LRMDA: variants seen among roughly 807,000 people sequenced by gnomAD.
The protein encoded by LRMDA is leucine-rich melanocyte differentiation-associated protein.
A neutral mutation model predicts 29.8 loss-of-function variants in LRMDA; 18 were observed. That is an observed-to-expected ratio of 0.60 (90% CI 0.42 to 0.90). LRMDA has a LOEUF of 0.90. LRMDA is among the 40% of genes least tolerant of loss of function. The pLI is 0.00. For missense variants in LRMDA, 273 were observed against 273.9 expected (o/e 1.00, Z 0.02); for synonymous variants, 125 against 109.4 (o/e 1.14, Z -0.89).
At chr10:75,891,732 G>T (rs1038942137) in intron 2 of LRMDA, among the ~76,000 whole-genome samples, 3 of 152,182 alleles carry the variant, frequency 2.0e-5, no homozygotes, top group Non-Finnish European at 4.4e-5. Context: ...TCACATTCTG[G>T]ATGTTTTAGA....
chr10:75,465,545 T>C (rs1256524763), intron 2 of LRMDA, among the ~76,000 whole-genome samples: 1 of 152,212 alleles, frequency 6.6e-6, no homozygotes, highest in Non-Finnish European at 1.5e-5. Context: ...AAAAATTTAT[T>C]GGGTAGTATT....
chr10:76,365,178 C>T (rs909793774), intron 6 of LRMDA, among the ~76,000 whole-genome samples: 2 of 149,926 alleles, frequency 1.3e-5, no homozygotes, highest in Non-Finnish European at 3.0e-5. Context: ...GTTGGTTCCA[C>T]AATTTTGAAA....
intron 5 of LRMDA, among the ~76,000 whole-genome samples, chr10:76,224,857 T>C (rs960784318): frequency 6.6e-6 from 1 of 151,982 alleles, no homozygotes; most frequent in Non-Finnish European, 1.5e-5. Flanking sequence ...ATTGTGTCCT[T>C]CCTTGTCCCC....
At chr10:75,819,643 G>C (rs768637782) in intron 2 of LRMDA, among the ~76,000 whole-genome samples, 3 of 152,106 alleles carry the variant, frequency 2.0e-5, no homozygotes, top group Non-Finnish European at 4.4e-5. Flanking sequence ...GCAGGTCATT[G>C]GGTTGGCAGT....
intron 5 of LRMDA, among the ~76,000 whole-genome samples, chr10:76,061,662 C>T (rs527537130): frequency 2.0e-4 from 31 of 152,230 alleles, no homozygotes; most frequent in African/African-American, 6.7e-4. Context: ...TCTGTGCTCC[C>T]GTTTCATGGA....
intron 2 of LRMDA, among the ~76,000 whole-genome samples, chr10:75,738,855 T>A (rs2132207142): frequency 6.6e-6 from 1 of 152,322 alleles, no homozygotes; most frequent in South Asian, 2.1e-4. Flanking sequence ...TTTCTCGAGC[T>A]GGTCTGCCGA....
intron 6 of LRMDA, among the ~76,000 whole-genome samples, chr10:76,532,012 T>G (rs1027651188): frequency 5.9e-5 from 9 of 152,192 alleles, no homozygotes; most frequent in Non-Finnish European, 1.2e-4. Flanking sequence ...GCTCTTTTTT[T>G]GAAAAGATAC....
intron 2 of LRMDA, among the ~76,000 whole-genome samples, chr10:75,930,773 A>C (rs1041818186): frequency 2.0e-5 from 3 of 152,204 alleles, no homozygotes; most frequent in African/African-American, 7.2e-5. Flanking sequence ...TGTGAGTGTT[A>C]ATTGTGATTC....
At chr10:76,068,890 C>CT (rs1848830057) in intron 5 of LRMDA, among the ~76,000 whole-genome samples, 1 of 152,262 alleles carries the variant, frequency 6.6e-6, no homozygotes, top group Admixed American at 6.5e-5. Flanking sequence ...TTCCACCACC[C>CT]TGCAGACTCA....
intron 2 of LRMDA, among the ~76,000 whole-genome samples, chr10:75,899,379 A>G (rs1845634147): frequency 1.3e-5 from 2 of 152,370 alleles, no homozygotes; most frequent in South Asian, 4.1e-4. Context: ...AAATGCGTTA[A>G]GTTCTGAGAC....
intron 2 of LRMDA, among the ~76,000 whole-genome samples, chr10:75,473,311 G>A (rs1844748859): frequency 6.6e-6 from 1 of 152,258 alleles, no homozygotes; most frequent in African/African-American, 2.4e-5. Context: ...AAGCTCCAGA[G>A]GTGGTAAGGG....
intron 6 of LRMDA, among the ~76,000 whole-genome samples, chr10:76,462,723 G>A (rs1013357202): frequency 7.2e-5 from 11 of 152,320 alleles, no homozygotes; most frequent in African/African-American, 2.6e-4. Flanking sequence ...TGGCTGCTAG[G>A]AAGCACTCCA....
intron 6 of LRMDA, among the ~76,000 whole-genome samples, chr10:76,478,470 A>C (rs1293979126): frequency 2.0e-5 from 3 of 152,186 alleles, no homozygotes; most frequent in African/African-American, 7.2e-5. Flanking sequence ...TAGTTCAACC[A>C]TTGTGGAAGT....
chr10:75,991,354 G>T (rs1351005719), intron 2 of LRMDA, among the ~76,000 whole-genome samples: 1 of 152,120 alleles, frequency 6.6e-6, no homozygotes, highest in African/African-American at 2.4e-5. Flanking sequence ...GGGCTCTTCT[G>T]CCCGTGGAAT....
At chr10:75,724,571 C>A (rs981913780) in intron 2 of LRMDA, among the ~76,000 whole-genome samples, 1 of 152,054 alleles carries the variant, frequency 6.6e-6, no homozygotes, top group Non-Finnish European at 1.5e-5. Flanking sequence ...GGGGAGAAAG[C>A]GCAGGATTCA....
intron 6 of LRMDA, among the ~76,000 whole-genome samples, chr10:76,421,583 C>G (rs1842072242): frequency 6.6e-6 from 1 of 152,132 alleles, no homozygotes; most frequent in African/African-American, 2.4e-5. Flanking sequence ...TCAATTATGT[C>G]TCATTTGTTA....
chr10:76,521,302 T>A (rs911569108), intron 6 of LRMDA, among the ~76,000 whole-genome samples: 2 of 151,872 alleles, frequency 1.3e-5, no homozygotes, highest in Non-Finnish European at 2.9e-5. Flanking sequence ...CCCGGCTAAT[T>A]TTTTTGTATT....
intron 6 of LRMDA, among the ~76,000 whole-genome samples, chr10:76,354,406 A>C (rs1306897977): frequency 6.6e-6 from 1 of 152,194 alleles, no homozygotes; most frequent in African/African-American, 2.4e-5. Flanking sequence ...ACAGCAAAGT[A>C]ATTGGAAATT....
intron 2 of LRMDA, among the ~76,000 whole-genome samples, chr10:75,967,396 A>G (rs1307698527): frequency 1.3e-5 from 2 of 152,222 alleles, no homozygotes; most frequent in Admixed American, 1.3e-4. Flanking sequence ...ATTGATTATT[A>G]TAACATTAAG....
Sources: gnomAD v4.1 joint callset for allele counts (sites outside exome capture counted in the v4.1 genomes callset) on GRCh38, gnomAD v4.1.1 for gene constraint, MANE v1.5 for transcripts, NCBI Gene and HGNC (gene_info 2026-07-23, HGNC 2026-07-21) for gene names.